TTLL5: variants seen among roughly 807,000 people sequenced by gnomAD.
The protein encoded by TTLL5 is tubulin tyrosine ligase like 5.
TTLL5 carries 132 observed loss-of-function variants against 168.4 expected under a neutral mutation model. The observed-to-expected ratio is 0.78, with a 90% confidence interval of 0.68 to 0.91. The LOEUF (loss-of-function observed/expected upper bound fraction) is 0.91. Among genes scored for constraint, TTLL5 ranks in the 40% least tolerant of loss-of-function variants. The pLI is 0.00. For missense variants in TTLL5, 1,545 were observed against 1,581.5 expected, an observed-to-expected ratio of 0.98 and a Z score of 0.39; for synonymous variants, 546 against 558.6, an observed-to-expected ratio of 0.98 and a Z score of 0.32.
chr14:75,880,726 G>A (rs1252753603), intron 29 of TTLL5, among the ~76,000 whole-genome samples: 3 of 152,202 alleles, frequency 2.0e-5, no homozygotes, highest in Non-Finnish European at 4.4e-5. Context: ...GAAAGGGTTT[G>A]TTGTAGACCC....
chr14:75,882,053 G>A (rs1317221930), intron 29 of TTLL5, among the ~76,000 whole-genome samples: 2 of 152,138 alleles, frequency 1.3e-5, no homozygotes, highest in Admixed American at 6.5e-5. Context: ...CTTTGAAAGC[G>A]CTTTCAAATG....
chr14:75,691,255 T>C (rs1434287825), intron 6 of TTLL5, among the ~76,000 whole-genome samples: 1 of 152,148 alleles, frequency 6.6e-6, no homozygotes, highest in Non-Finnish European at 1.5e-5. Context: ...TTTTGCATCA[T>C]TGTGAACTTA....
chr14:75,908,853 T>G (rs1445483357), intron 31 of TTLL5, among the ~76,000 whole-genome samples: 3 of 152,162 alleles, frequency 2.0e-5, no homozygotes, highest in Non-Finnish European at 4.4e-5. Flanking sequence ...CACGGCTCAC[T>G]GCAACCTCCG....
chr14:75,862,154 A>G (rs543141110), intron 28 of TTLL5, among the ~76,000 whole-genome samples: 2 of 152,308 alleles, frequency 1.3e-5, no homozygotes, highest in East Asian at 3.9e-4. Context: ...AATGTCTTCA[A>G]GGTTCTGTAC....
At chr14:75,702,664 G>A (rs1566820179) in intron 7 of TTLL5, among the ~76,000 whole-genome samples, 1 of 91,946 alleles carries the variant, frequency 1.1e-5, no homozygotes, top group African/African-American at 3.0e-5. Flanking sequence ...GGGGTGACAT[G>A]TCTTAGAGAA....
At chr14:75,849,725 TG>T (rs1490343050) in intron 28 of TTLL5, among the ~76,000 whole-genome samples, 1 of 152,220 alleles carries the variant, frequency 6.6e-6, no homozygotes, top group Non-Finnish European at 1.5e-5. Context: ...AAGGAATGAC[TG>T]TAACTAGGTT....
chr14:75,888,440 G>T (rs553867478), intron 30 of TTLL5, among the ~76,000 whole-genome samples: 91 of 152,120 alleles, frequency 6.0e-4, no homozygotes, highest in African/African-American at 2.1e-3. Context: ...CACTTCCCTC[G>T]TCCTTCACCT....
chr14:75,898,376 T>G (rs969104952), intron 30 of TTLL5, among the ~76,000 whole-genome samples: 1 of 152,182 alleles, frequency 6.6e-6, no homozygotes, highest in African/African-American at 2.4e-5. Context: ...GTGCAGTGGC[T>G]TATATCTATA....
In TTLL5 at chr14:75,824,447, C is replaced by T. The variant is rs373825441; in HGVS notation, c.3326+4286C>T. Among the ~76,000 whole-genome samples, 6 of 141,298 alleles carry T rather than the reference C, an allele frequency of 4.2e-5. No homozygotes were observed. In the East Asian group the frequency reaches 1.5e-3, roughly 36 times the overall value. The allele number at this position is 141,298 out of a possible 152,430, so 92.7% of individuals were successfully genotyped here. A position where few individuals can be genotyped will look rare whatever the true frequency, so the allele number is the denominator to read the frequency against. ...GGAGTCAGTCCTGTCCCGGATGAAC[C>T]TTGAGGGTCGTATGCTCAGTGAAGC... On this transcript the variant is annotated intron_variant, in intron 28 of 31. Transcript: ENST00000298832.
At chr14:75,907,104 A>T (rs2033177175) in intron 31 of TTLL5, among the ~76,000 whole-genome samples, 1 of 152,244 alleles carries the variant, frequency 6.6e-6, no homozygotes, top group South Asian at 2.1e-4. Context: ...ACTAGAATTT[A>T]TAAACTGGAC....
chr14:75,806,899 A>G (rs1054219492), intron 27 of TTLL5, among the ~76,000 whole-genome samples: 1 of 152,226 alleles, frequency 6.6e-6, no homozygotes, highest in East Asian at 1.9e-4. Context: ...AAATAAGTAA[A>G]TGAAGAACCC....
At chr14:75,937,943 G>A (rs1202823893) in intron 31 of TTLL5, among the ~76,000 whole-genome samples, 2 of 152,182 alleles carry the variant, frequency 1.3e-5, no homozygotes, top group Non-Finnish European at 2.9e-5. Context: ...CCTGCTTTCT[G>A]TAGTAGCTGT....
At chr14:75,662,230 T>C in intron 1 of TTLL5, among the ~76,000 whole-genome samples, 1 of 152,230 alleles carries the variant, frequency 6.6e-6, no homozygotes, top group Admixed American at 6.5e-5. Context: ...ATATTCATCT[T>C]TCGGTTCATT....
chr14:75,904,705 T>C (rs914002587), intron 31 of TTLL5, among the ~76,000 whole-genome samples: 3 of 152,228 alleles, frequency 2.0e-5, no homozygotes, highest in African/African-American at 7.2e-5. Context: ...TTCTACTTTA[T>C]GGTAACAAGC....
At chr14:75,874,154 C>T (rs905316658) in intron 29 of TTLL5, among the ~76,000 whole-genome samples, 23 of 152,034 alleles carry the variant, frequency 1.5e-4, no homozygotes, top group African/African-American at 5.1e-4. Context: ...TGCAGTGGCT[C>T]GATCTGGGCT....
chr14:75,913,814 G>T (rs958818418), intron 31 of TTLL5, among the ~76,000 whole-genome samples: 48 of 151,518 alleles, frequency 3.2e-4, no homozygotes, highest in African/African-American at 1.1e-3. Flanking sequence ...AGGAGTTCAA[G>T]ACCAGCGTGG....
chr14:75,911,540 A>C (rs1413580997), intron 31 of TTLL5, among the ~76,000 whole-genome samples: 3 of 152,174 alleles, frequency 2.0e-5, no homozygotes, highest in Non-Finnish European at 4.4e-5. Context: ...GGTTAGAAGA[A>C]TCACTCTTAT....
At chr14:75,806,628 A>G (rs921268938) in intron 27 of TTLL5, among the ~76,000 whole-genome samples, 11 of 151,898 alleles carry the variant, frequency 7.2e-5, no homozygotes, top group African/African-American at 2.4e-4. Flanking sequence ...TGTAGATGCC[A>G]CTTCACTCAT....
intron 30 of TTLL5, among the ~76,000 whole-genome samples, chr14:75,884,840 G>T: frequency 6.6e-6 from 1 of 151,598 alleles, no homozygotes; most frequent in East Asian, 1.9e-4. Flanking sequence ...ACAGTGAAAA[G>T]TTCCCCCTAT....
Sources: gnomAD v4.1 joint callset for allele counts (sites outside exome capture counted in the v4.1 genomes callset) on GRCh38, gnomAD v4.1.1 for gene constraint, MANE v1.5 for transcripts, NCBI Gene and HGNC (gene_info 2026-07-23, HGNC 2026-07-21) for gene names.